C12orf50: variants seen among roughly 807,000 people sequenced by gnomAD.
C12orf50 encodes zinc finger CCCH-type containing 11D.
Under a neutral mutation model 61.6 loss-of-function variants are expected in C12orf50, and 35 were observed. The ratio of observed to expected loss-of-function variants is 0.57; its 90% CI spans 0.43 to 0.75. The LOEUF (loss-of-function observed/expected upper bound fraction) is 0.75. C12orf50 is among the 30% of genes least tolerant of loss of function. C12orf50 has a pLI of 0.00. For synonymous variants in C12orf50, 178 were observed against 161.5 expected (o/e 1.10, Z -0.77); for missense variants, 475 against 488.5 (o/e 0.97, Z 0.26).
chr12:88,026,705 T>C, intron 2 of C12orf50, 97 bp from the exon 3 acceptor site: 1 of 1,456,382 alleles, frequency 6.9e-7, no homozygotes, highest in Non-Finnish European at 9.3e-7. Flanking sequence ...CAAAAACAAT[T>C]ATAGTTAACT....
intron 3 of C12orf50, among the ~76,000 whole-genome samples, chr12:88,000,928 A>T (rs1291260645): frequency 2.6e-5 from 4 of 151,844 alleles, no homozygotes; most frequent in African/African-American, 9.7e-5. Context: ...TTAGATTTCT[A>T]GAATTTTCTA....
intron 12 of C12orf50, 51 bp downstream of exon 12, chr12:87,983,052 T>C (rs1389915294): frequency 8.8e-7 from 1 of 1,130,228 alleles, no homozygotes; most frequent in Admixed American, 2.3e-5. Flanking sequence ...CTTGAAAACT[T>C]ATTCATTTTC....
At chr12:88,002,542 G>A (rs567992976) in intron 3 of C12orf50, among the ~76,000 whole-genome samples, 6 of 151,680 alleles carry the variant, frequency 4.0e-5, no homozygotes, top group African/African-American at 1.2e-4. Context: ...GTTTATAATT[G>A]TTTGCATGGT....
At chr12:87,989,217 T>C (rs2030997131) in intron 8 of C12orf50, 47 bp downstream of exon 8, 2 of 1,372,902 alleles carry the variant, frequency 1.5e-6, no homozygotes, top group Non-Finnish European at 2.0e-6. Flanking sequence ...GTCTTTAACT[T>C]GCCTAGCCAA....
intron 3 of C12orf50, among the ~76,000 whole-genome samples, chr12:88,008,567 A>C (rs897768143): frequency 1.3e-5 from 2 of 152,120 alleles, no homozygotes; most frequent in Non-Finnish European, 2.9e-5. Flanking sequence ...TTGTTTCTTA[A>C]TATAAAGAAT....
intron 3 of C12orf50, among the ~76,000 whole-genome samples, chr12:88,008,335 A>C (rs1219391572): frequency 6.6e-6 from 1 of 152,088 alleles, no homozygotes; most frequent in Non-Finnish European, 1.5e-5. Flanking sequence ...CTGTTACTGC[A>C]TTAGTTTGCT....
At chr12:88,005,295 A>T (rs936270670) in intron 3 of C12orf50, among the ~76,000 whole-genome samples, 1 of 152,102 alleles carries the variant, frequency 6.6e-6, no homozygotes, top group Non-Finnish European at 1.5e-5. Flanking sequence ...AGTAAAATTT[A>T]TTTTCTCCCA....
intron 1 of C12orf50, chr12:88,029,047 G>A (rs758140791): frequency 8.1e-7 from 1 of 1,237,438 alleles, no homozygotes; most frequent in African/African-American, 1.6e-5. Context: ...GTGAAGTACT[G>A]TCAATTGTAC....
intron 7 of C12orf50, among the ~76,000 whole-genome samples, chr12:87,992,763 T>C (rs907647652): frequency 6.6e-6 from 1 of 152,162 alleles, no homozygotes; most frequent in African/African-American, 2.4e-5. Flanking sequence ...TATTGATACA[T>C]ACACAAGTAA....
At chr12:87,988,518 A>C (rs56829024) in intron 8 of C12orf50, among the ~76,000 whole-genome samples, 2,077 of 152,292 alleles carry the variant, frequency 0.014, 114 homozygotes, top group East Asian at 0.13. Flanking sequence ...AGAGTCATAA[A>C]TAGCTGGTGG....
At chr12:88,022,691 A>G (rs1293518092) in intron 3 of C12orf50, among the ~76,000 whole-genome samples, 1 of 152,244 alleles carries the variant, frequency 6.6e-6, no homozygotes, top group Non-Finnish European at 1.5e-5. Context: ...AAATATCAGT[A>G]GCATTCCTAT....
intron 9 of C12orf50, among the ~76,000 whole-genome samples, chr12:87,987,561 A>G (rs1317065835): frequency 4.6e-5 from 7 of 152,104 alleles, no homozygotes; most frequent in Non-Finnish European, 4.4e-5. Flanking sequence ...TTATTCCACT[A>G]TGGGCGCAAT....
chr12:88,016,047 CAGCCGGTGATTT>C (rs2032298741), intron 3 of C12orf50, among the ~76,000 whole-genome samples: 1 of 152,130 alleles, frequency 6.6e-6, no homozygotes, highest in African/African-American at 2.4e-5. Flanking sequence ...TGGAAGAACA[CAGCCGGTGATTT>C]AGATAGCACT....
At chr12:88,004,715 GATA>G (rs1243764540) in intron 3 of C12orf50, among the ~76,000 whole-genome samples, 1 of 152,180 alleles carries the variant, frequency 6.6e-6, no homozygotes, top group Non-Finnish European at 1.5e-5. Flanking sequence ...AAGAGAATGA[GATA>G]ATGTCCTTTG....
At chr12:87,989,894 C>A (rs916515281) in intron 7 of C12orf50, among the ~76,000 whole-genome samples, 2 of 152,102 alleles carry the variant, frequency 1.3e-5, no homozygotes, top group African/African-American at 2.4e-5. Context: ...GTGGAGAAAT[C>A]AGCAGAACTA....
intron 9 of C12orf50, 78 bp downstream of exon 9, chr12:87,987,772 C>A (rs1432667264): frequency 6.4e-6 from 6 of 942,110 alleles, no homozygotes; most frequent in South Asian, 1.5e-5. Flanking sequence ...TTTTAAAATT[C>A]TATTTTAAAT....
At chr12:87,981,728 C>A (rs1253808438) in intron 12 of C12orf50, among the ~76,000 whole-genome samples, 3 of 152,078 alleles carry the variant, frequency 2.0e-5, no homozygotes, top group Non-Finnish European at 4.4e-5. Flanking sequence ...CTCCCATGAA[C>A]CTTCTCCCAC....
At chr12:87,994,066 G>C (rs1445826469) in intron 7 of C12orf50, among the ~76,000 whole-genome samples, 1 of 151,978 alleles carries the variant, frequency 6.6e-6, no homozygotes, top group African/African-American at 2.4e-5. Context: ...CGGGTGTGGT[G>C]GCACGCACCT....
intron 7 of C12orf50, among the ~76,000 whole-genome samples, chr12:87,993,164 C>T (rs1176847527): frequency 6.6e-6 from 1 of 151,998 alleles, no homozygotes; most frequent in African/African-American, 2.4e-5. Flanking sequence ...AGGCTAATGA[C>T]AGTATAATGA....
Sources: gnomAD v4.1 joint callset for allele counts (sites outside exome capture counted in the v4.1 genomes callset) on GRCh38, gnomAD v4.1.1 for gene constraint, MANE v1.5 for transcripts, NCBI Gene and HGNC (gene_info 2026-07-23, HGNC 2026-07-21) for gene names.